The following ADAMTSL5 variants were observed in gnomAD, a reference collection of about 807,000 sequenced individuals.
ADAMTSL5 encodes ADAMTS-like protein 5.
ADAMTSL5 carries 53 observed loss-of-function variants against 51.7 expected under a neutral mutation model. The ratio of observed to expected loss-of-function variants is 1.03; its 90% CI spans 0.82 to 1.29. The LOEUF (loss-of-function observed/expected upper bound fraction) is 1.29. Ranked by LOEUF, ADAMTSL5 falls within the 50% of genes most tolerant of loss-of-function variation. The pLI is 0.00. For missense variants in ADAMTSL5, 770 were observed against 676.2 expected, an observed-to-expected ratio of 1.14 and a Z score of -1.54; for synonymous variants, 285 against 278.7, an observed-to-expected ratio of 1.02 and a Z score of -0.23.
chr19:1,508,470 C>G lies in ADAMTSL5; in HGVS notation c.462G>C (p.Gln154His). ...LDGTACSPGAQGVCVAGRCLS... is the reference protein window; with the variant it reads ...LDGTACSPGAHGVCVAGRCLS... The stretch of plus-strand genomic sequence containing the variant: ...GGCAGCGGCCAGCCACGCAGACCCC[C>G]TGGGCACCCGGGCTGCAGGCGGTGC... Residue 154 changes from glutamine (Q) to histidine (H), a missense_variant, in exon 6 of 12, where the codon CAG becomes CAC. Coordinates refer to ENST00000330475, the MANE Select transcript of ADAMTSL5 (RefSeq NM_213604.3). The G allele has an allele frequency of 1.9e-6, 3 of 1,578,084 alleles. No homozygotes were observed. In the Middle Eastern group the frequency reaches 5.0e-4, roughly 263 times the overall value.
rs1449397517 is a variant in ADAMTSL5, at chr19:1,510,961, C to T, written c.-18G>A. On this transcript the variant is annotated 5_prime_UTR_variant, in exon 2 of 12. Coordinates refer to ENST00000330475, the MANE Select transcript of ADAMTSL5 (RefSeq NM_213604.3). ...GAGTCCATAGAGCCACCGCCAGAGA[C>T]ACAGGGTTGTGTCCCGGCTCTGCCC... 2.6e-5 allele frequency: 36 copies of T among 1,408,396 alleles called. No individual in the cohort carries two copies. The East Asian group carries it at 1.0e-3, about 39-fold the overall frequency. 87.2% of individuals were successfully genotyped at this position (1,408,396 alleles called of 1,614,324 possible).
intron 6 of ADAMTSL5, 146 bp from the exon 7 acceptor site, chr19:1,508,255 A>T: frequency 1.2e-6 from 1 of 843,224 alleles, no homozygotes; most frequent in Non-Finnish European, 1.5e-6. Context: ...CGGGAGGAGG[A>T]TGGGCTTGGC....
chr19:1,505,902 T>G lies in ADAMTSL5; in HGVS notation c.*113A>C. 1 of 1,303,160 alleles carries G rather than the reference T, an allele frequency of 7.7e-7. No individual in the cohort carries two copies. Among genetic ancestry groups the G allele is most frequent in the East Asian group, 2.6e-5 (1 of 38,234 alleles). The allele number at this position is 1,303,160 out of a possible 1,614,324, so 80.7% of individuals were successfully genotyped here. ...GGAGGGAGTCACATAGCTGCACAGG[T>G]GGGACGTATTTCAGAGCTGCCTGGA... On this transcript the variant is annotated 3_prime_UTR_variant, in exon 12 of 12. Transcript: ENST00000330475.
chr19:1,507,095 C>A, intron 9 of ADAMTSL5, 147 bp downstream of exon 9: 1 of 1,209,064 alleles, frequency 8.3e-7, no homozygotes, highest in Non-Finnish European at 1.1e-6. Context: ...CCACCCTCCC[C>A]CCTCTGATGC....
intron 1 of ADAMTSL5, chr19:1,511,731 C>A: frequency 2.0e-6 from 1 of 511,296 alleles, no homozygotes. Context: ...TGACACCCTG[C>A]GGAAGGTGCG....
intron 3 of ADAMTSL5, 33 bp downstream of exon 3, chr19:1,510,606 G>A (rs1203449370): frequency 3.3e-6 from 5 of 1,505,424 alleles, no homozygotes; most frequent in Non-Finnish European, 3.6e-6. Flanking sequence ...GGCGGGGGAG[G>A]AGGGGCAGGG....
At chr19:1,511,381 C>T (rs1008710792) in intron 1 of ADAMTSL5, among the ~76,000 whole-genome samples, 2 of 152,132 alleles carry the variant, frequency 1.3e-5, no homozygotes, top group African/African-American at 4.8e-5. Flanking sequence ...CCATCTTGGC[C>T]AGGTTGGTCT....
In ADAMTSL5 at chr19:1,506,098, G is replaced by T; in HGVS notation, c.1333C>A (p.Leu445Met). The change falls in exon 12 of 12, where the codon CTG becomes ATG. Residue 445 changes from leucine to methionine, a missense_variant. Physicochemically the swap from Leu to Met is conservative, Grantham distance 15 (BLOSUM62 2). Coordinates refer to ENST00000330475, the MANE Select transcript of ADAMTSL5 (RefSeq NM_213604.3). This position sits in a 1 kb window ranked among gnomAD's most constrained non-coding sequence, Gnocchi z 5.6. ...GGCCGGGCGTAGCCGGCGTGGGGCA[G>T]CAGCAGCTGGTCCTGTGTGCCGTCG... The part of the protein sequence containing the change: ...SPDGTQDQLL[L>M]PHAGYARPWS... 6.2e-7 allele frequency: 1 copy of T among 1,605,092 alleles called. No individual in the cohort carries two copies.
At chr19:1,511,910 C>G (rs774662829) in intron 1 of ADAMTSL5, 1 of 220,838 alleles carries the variant, frequency 4.5e-6, no homozygotes, top group Non-Finnish European at 9.6e-6. Flanking sequence ...GCCTCATCGG[C>G]GGAGGGGGTG....
rs773045688 is a variant in ADAMTSL5, at chr19:1,506,043, C to T, written c.1388G>A (p.Arg463His). 82 of 1,585,178 alleles carry T rather than the reference C, an allele frequency of 5.2e-5. No homozygotes were observed. The highest frequency in any genetic ancestry group is 6.0e-5 in the Non-Finnish European group (70 of 1,172,254). The change falls in exon 12 of 12, where the codon CGC becomes CAC. Residue 463 changes from arginine to histidine, a missense_variant. Physicochemically the swap from Arg to His is conservative, Grantham distance 29. Transcript: ENST00000330475. The surrounding 1 kb of genome is among the most constrained non-coding windows in gnomAD (Gnocchi z 5.6). ...PWSPAEDSRI[R>H]LTARRCPG is the part of the protein sequence containing the mutation. ...GCCAGGACAGCGCCGGGCAGTCAGG[C>T]GTATGCGGCTGTCCTCCGCAGGGCT...
intron 9 of ADAMTSL5, 97 bp from the exon 10 acceptor site, chr19:1,507,025 C>T: frequency 7.3e-7 from 1 of 1,379,286 alleles, no homozygotes; most frequent in East Asian, 2.5e-5. Context: ...TTGATCCTGT[C>T]TGCCCCCAGC....
Position 1,507,403 on chromosome 19 carries a change from G to C in ADAMTSL5, c.691C>G (p.Leu231Val). The change falls in exon 9 of 12, where the codon CTG becomes GTG. Residue 231 changes from leucine to valine, a missense_variant and splice_region_variant. Physicochemically the swap from Leu to Val is conservative, Grantham distance 32. Coordinates refer to ENST00000330475, the MANE Select transcript of ADAMTSL5 (RefSeq NM_213604.3). ...ACGTAGCGCCCATCGCCCCCCATCA[G>C]TGCTGCAAGGGAACAGTCAGCCCTC... ...VEHRSRNHLA[L>V]MGGDGRYVLN... 6.3e-7 allele frequency: 1 copy of C among 1,579,094 alleles called. No individual in the cohort carries two copies. The highest frequency in any genetic ancestry group is 8.6e-7 in the Non-Finnish European group (1 of 1,161,432).
In ADAMTSL5 at chr19:1,506,507, A is replaced by C; in HGVS notation, c.1114+83T>G. 1 of 1,520,868 alleles carries C rather than the reference A, an allele frequency of 6.6e-7. No homozygotes were observed. The highest frequency in any genetic ancestry group is 9.0e-7 in the Non-Finnish European group (1 of 1,111,486). The allele number at this position is 1,520,868 out of a possible 1,614,324, so 94.2% of individuals were successfully genotyped here. On this transcript the variant is annotated intron_variant, in intron 11 of 11. Transcript: ENST00000330475. The surrounding 1 kb of genome is among the most constrained non-coding windows in gnomAD (Gnocchi z 5.6). The stretch of plus-strand genomic sequence containing the variant: ...AAATTAGGATCAGAAGAAGGGGTCA[A>C]GGGTAAAGTCAGATTAGGGTCAGAG...
intron 5 of ADAMTSL5, 155 bp from the exon 6 acceptor site, chr19:1,508,725 C>T (rs1047541641): frequency 3.7e-6 from 4 of 1,076,390 alleles, no homozygotes; most frequent in East Asian, 6.1e-5. Context: ...AGGACTGGAC[C>T]GTAGGTGCTC....
Position 1,508,533 on chromosome 19 carries a change from C to A in ADAMTSL5, c.399G>T (p.Gly133=), listed in dbSNP as rs779671905. The A allele has an allele frequency of 8.2e-6, 13 of 1,581,992 alleles. No homozygotes were observed. Among genetic ancestry groups the A allele is most frequent in the African/African-American group, 1.3e-5 (1 of 74,510 alleles). ...GGCCGAAGCTGTGGTAGAAGGCGTG[C>A]CCCTCAGCCAGGCAGTTGAGGTCGC... ...NQCDLNCLAE[G]HAFYHSFGRV... is the part of the protein sequence containing the mutation. The change falls in exon 6 of 12, where the codon GGG becomes GGT. Residue 133 remains glycine (G), a synonymous_variant. Coordinates refer to ENST00000330475, the MANE Select transcript of ADAMTSL5 (RefSeq NM_213604.3).
Position 1,505,989 on chromosome 19 carries a change from TGTGTG to T in ADAMTSL5, c.*21_*25del. 1 of 1,514,312 alleles carries T rather than the reference TGTGTG, an allele frequency of 6.6e-7. No individual in the cohort carries two copies. Among genetic ancestry groups the T allele is most frequent in the Non-Finnish European group, 8.8e-7 (1 of 1,139,400 alleles). The allele number at this position is 1,514,312 out of a possible 1,614,324, so 93.8% of individuals were successfully genotyped here. On this transcript the variant is annotated 3_prime_UTR_variant, in exon 12 of 12. Transcript: ENST00000330475. ...CTGGTCAGATGTATCTTTCTTGCTG[TGTGTG>T]GCCGGGGCTCCTGCAGGGGCTCAGC...
chr19:1,507,343 T>A lies in ADAMTSL5; in HGVS notation c.751A>T (p.Thr251Ser). 6.3e-7 allele frequency: 1 copy of A among 1,592,912 alleles called. No homozygotes were observed. Among genetic ancestry groups the A allele is most frequent in the East Asian group, 2.2e-5 (1 of 44,646 alleles). ...ACATGCGTGCCGGCCGCCTCGTAGG[T>A]CCCTGGTGGGCTGACCACCCAGTGC... ...NGHWVVSPPGTYEAAGTHVVY... is the reference protein window; with the variant it reads ...NGHWVVSPPGSYEAAGTHVVY... Residue 251 changes from threonine to serine, a missense_variant, in exon 9 of 12, where the codon ACC (threonine) becomes TCC (serine). Transcript: ENST00000330475.
chr19:1,508,726 G>A (rs148337063), intron 5 of ADAMTSL5, 156 bp from the exon 6 acceptor site: 16 of 1,074,210 alleles, frequency 1.5e-5, no homozygotes, highest in Admixed American at 1.4e-4. Context: ...GGACTGGACC[G>A]TAGGTGCTCT....
At position 1,511,630 on chromosome 19, in the gene ADAMTSL5, C is replaced by T. The variant is rs373600487; in HGVS notation, c.-217-470G>A. On this transcript the variant is annotated intron_variant, in intron 1 of 11. Coordinates refer to ENST00000330475, the MANE Select transcript of ADAMTSL5 (RefSeq NM_213604.3). The stretch of plus-strand genomic sequence containing the variant: ...CCCACCATCACTGCTTCTACCTTTC[C>T]GTGTGGCCTGAGGCCAGCCACTCCA... The T allele has an allele frequency of 8.2e-5, 104 of 1,270,206 alleles. 1 individual carries two copies. Among genetic ancestry groups the T allele is most frequent in the Admixed American group, 5.8e-4 (25 of 43,392 alleles). 78.7% of individuals were successfully genotyped at this position (1,270,206 alleles called of 1,614,324 possible).
Sources: gnomAD v4.1 joint callset for allele counts (sites outside exome capture counted in the v4.1 genomes callset) on GRCh38, gnomAD v4.1.1 for gene constraint, Gnocchi (gnomAD v3.1) non-coding constraint, MANE v1.5 for transcripts, NCBI Gene and HGNC (gene_info 2026-07-23, HGNC 2026-07-21) for gene names.